Variants in HERC1 observed in about 807,000 individuals in gnomAD.
HERC1 encodes the protein probable E3 ubiquitin-protein ligase HERC1.
HERC1 carries 160 observed loss-of-function variants against 554.3 expected under a neutral mutation model. The observed-to-expected ratio is 0.29, with a 90% CI of 0.25 to 0.33. The LOEUF (loss-of-function observed/expected upper bound fraction) is 0.33. HERC1 is among the 10% of genes least tolerant of loss of function. The pLI is 1.00. For synonymous variants in HERC1, 2,175 were observed against 2,131.7 expected, an observed-to-expected ratio of 1.02 and a Z score of -0.56; for missense variants, 4,919 against 5,918.5, an observed-to-expected ratio of 0.83 and a Z score of 5.54.
At chr15:63,715,561 A>G (rs751124220) in intron 22 of HERC1, among the ~76,000 whole-genome samples, 2 of 152,244 alleles carry the variant, frequency 1.3e-5, no homozygotes, top group African/African-American at 2.4e-5. Flanking sequence ...CAGAACACAA[A>G]TAAGTTGATA....
At chr15:63,660,641 C>T (rs1341928088) in intron 46 of HERC1, among the ~76,000 whole-genome samples, 1 of 152,042 alleles carries the variant, frequency 6.6e-6, no homozygotes, top group Admixed American at 6.5e-5. Context: ...CCAGAAAAAT[C>T]AATGCTCATC....
Position 63,709,279 on chromosome 15 carries a change from G to C in HERC1, c.4585-2448C>G, listed in dbSNP as rs1343794021. ...CCCACCTCAGCCTCCCAAAGTGCTG[G>C]GGTTACAGGCATGAGCCACTGCGCC... On this transcript the variant is annotated intron_variant, in intron 24 of 77. Coordinates refer to ENST00000443617, the MANE Select transcript of HERC1 (RefSeq NM_003922.4). Among the ~76,000 whole-genome samples the C allele has an allele frequency of 2.6e-5, 4 of 152,128 alleles. No individual in the cohort carries two copies. In the East Asian group the frequency reaches 7.7e-4, roughly 29 times the overall value.
chr15:63,690,004 A>G (rs776913803), intron 32 of HERC1, among the ~76,000 whole-genome samples: 4 of 151,992 alleles, frequency 2.6e-5, no homozygotes, highest in Non-Finnish European at 4.4e-5. Flanking sequence ...TCTCTACTAA[A>G]AATACAAAAA....
At chr15:63,820,817 A>C (rs916598099) in intron 1 of HERC1, among the ~76,000 whole-genome samples, 3 of 152,138 alleles carry the variant, frequency 2.0e-5, no homozygotes, top group African/African-American at 7.2e-5. Flanking sequence ...TGCCCAGCTT[A>C]ACAGAGACTT....
At chr15:63,648,811 A>G (rs2069493089) in intron 54 of HERC1, among the ~76,000 whole-genome samples, 1 of 152,226 alleles carries the variant, frequency 6.6e-6, no homozygotes, top group Non-Finnish European at 1.5e-5. Context: ...TTTGAACCCT[A>G]TGAAAGTATT....
intron 74 of HERC1, among the ~76,000 whole-genome samples, chr15:63,622,143 G>A (rs1252382146): frequency 6.6e-6 from 1 of 152,050 alleles, no homozygotes; most frequent in Non-Finnish European, 1.5e-5. Flanking sequence ...TAAATTTTGT[G>A]ACTTGCTAGC....
chr15:63,693,195 C>T (rs982864078), intron 30 of HERC1, among the ~76,000 whole-genome samples: 2 of 149,684 alleles, frequency 1.3e-5, no homozygotes, highest in African/African-American at 2.4e-5. Flanking sequence ...ACAAAAAAAA[C>T]CCAGAAAACA....
At chr15:63,833,747 GCGCGCGCACACACACACACACA>G (rs1397304123) in intron 1 of HERC1, 58 bp downstream of exon 1, 1 of 117,738 alleles carries the variant, frequency 8.5e-6, no homozygotes, top group Non-Finnish European at 1.7e-5. Flanking sequence ...GCACACACGC[GCGCGCGCACACACACACACACA>G]CACACACACA....
chr15:63,659,343 C>G (rs2070227664), intron 47 of HERC1, among the ~76,000 whole-genome samples: 1 of 152,146 alleles, frequency 6.6e-6, no homozygotes, highest in African/African-American at 2.4e-5. Flanking sequence ...CCTCAAACTC[C>G]TGGGATTAAA....
chr15:63,683,393 G>A (rs1029092780), intron 34 of HERC1, among the ~76,000 whole-genome samples: 2 of 152,116 alleles, frequency 1.3e-5, no homozygotes, highest in Admixed American at 6.5e-5. Flanking sequence ...GGAAAACAGA[G>A]ATAAAATAAA....
intron 70 of HERC1, 88 bp from the exon 71 acceptor site, chr15:63,626,242 T>C (rs570689875): frequency 1.5e-6 from 2 of 1,302,006 alleles, no homozygotes; most frequent in Non-Finnish European, 2.1e-6. Context: ...TACAGAGAAG[T>C]TGAGATAATT....
chr15:63,683,006 C>T (rs1015435270), intron 34 of HERC1, among the ~76,000 whole-genome samples: 1 of 151,756 alleles, frequency 6.6e-6, no homozygotes, highest in Non-Finnish European at 1.5e-5. Flanking sequence ...CATGCTGATG[C>T]GTGCCTCCAG....
chr15:63,790,778 C>G, intron 1 of HERC1, among the ~76,000 whole-genome samples: 1 of 128,606 alleles, frequency 7.8e-6, no homozygotes, highest in South Asian at 2.5e-4. Flanking sequence ...GTAGGGTTTT[C>G]TTTTTTTTTT....
Position 63,645,553 on chromosome 15 carries a change from A to C in HERC1, c.11008T>G (p.Ser3670Ala). 6.2e-7 allele frequency: 1 copy of C among 1,613,640 alleles called. No homozygotes were observed. The highest frequency in any genetic ancestry group is 8.5e-7 in the Non-Finnish European group (1 of 1,179,696). Residue 3670 changes from serine (S) to alanine (A), a missense_variant, in exon 56 of 78, where the codon TCT becomes GCT. Transcript: ENST00000443617. ...CACCAAGCAATGCCATTTACAATAG[A>C]TGGATGGCAGAGTGAATGTAGACAG... Reference protein sequence around the residue: ...WCCLHSLCHPSIVNGIAWCRL... With the variant: ...WCCLHSLCHPAIVNGIAWCRL...
chr15:63,666,377 C>T lies in HERC1; in HGVS notation c.8302G>A (p.Ala2768Thr). 1.2e-6 allele frequency: 2 copies of T among 1,612,724 alleles called. No individual in the cohort carries two copies. Among genetic ancestry groups the T allele is most frequent in the Non-Finnish European group, 1.7e-6 (2 of 1,178,932 alleles). Residue 2768 changes from alanine (A) to threonine (T), a missense_variant, in exon 41 of 78, where the codon GCC (alanine) becomes ACC (threonine). This residue lies in a region of HERC1 where 1,963 missense variants were observed against 2,228.6 expected (regional missense o/e 0.88). Coordinates refer to ENST00000443617, the MANE Select transcript of HERC1 (RefSeq NM_003922.4). The part of the protein sequence containing the change: ...LEMGFSLRQI[A>T]KAMEATGARG... The stretch of plus-strand genomic sequence containing the variant: ...CTACCTGTAGCTTCCATGGCTTTGG[C>T]AATCTGCCGAAGAGAGAACCCCATT...
At chr15:63,833,616 G>C (rs980891196) in intron 1 of HERC1, among the ~76,000 whole-genome samples, 6 of 151,870 alleles carry the variant, frequency 4.0e-5, no homozygotes, top group Non-Finnish European at 8.8e-5. Flanking sequence ...CCGGGGACCC[G>C]GGGGATCCGC....
intron 23 of HERC1, among the ~76,000 whole-genome samples, 153 bp downstream of exon 23, chr15:63,713,195 ATTTAC>A (rs563043473): frequency 1.8e-4 from 28 of 152,370 alleles, no homozygotes; most frequent in South Asian, 1.4e-3. Flanking sequence ...CAGTATCAGT[ATTTAC>A]TTTACTTTAA....
intron 64 of HERC1, chr15:63,637,064 G>C (rs2068814701): frequency 2.2e-6 from 1 of 455,598 alleles, no homozygotes; most frequent in Non-Finnish European, 4.4e-6. Flanking sequence ...CCGGGGGCTT[G>C]TACAGTGGTT....
At chr15:63,659,969 G>T (rs972061817) in intron 46 of HERC1, 33 bp from the exon 47 acceptor site, 2 of 1,450,288 alleles carry the variant, frequency 1.4e-6, no homozygotes, top group Admixed American at 3.6e-5. Context: ...TATAGTATGT[G>T]AATTTAAATA....
Sources: gnomAD v4.1 joint callset for allele counts (sites outside exome capture counted in the v4.1 genomes callset) on GRCh38, gnomAD v4.1.1 for gene constraint, gnomAD v4.1.1 regional missense constraint, MANE v1.5 for transcripts, NCBI Gene and HGNC (gene_info 2026-07-23, HGNC 2026-07-21) for gene names.